ESR2: variants seen among roughly 807,000 people sequenced by gnomAD.
The protein encoded by ESR2 is estrogen receptor 2.
Under a neutral mutation model 49.6 loss-of-function variants are expected in ESR2, and 36 were observed. The ratio of observed to expected loss-of-function variants is 0.73; its 90% CI spans 0.56 to 0.96. The LOEUF (loss-of-function observed/expected upper bound fraction) is 0.96. Among genes scored for constraint, ESR2 ranks in the 40% least tolerant of loss-of-function variants. ESR2 has a pLI of 0.00. For synonymous variants in ESR2, 320 were observed against 266.1 expected (o/e 1.20, Z -1.97); for missense variants, 714 against 693.0 (o/e 1.03, Z -0.34).
At chr14:64,269,783 T>A (rs1421872414) in intron 3 of ESR2, among the ~76,000 whole-genome samples, 1 of 152,252 alleles carries the variant, frequency 6.6e-6, no homozygotes, top group African/African-American at 2.4e-5. Flanking sequence ...TTGTTAGTTA[T>A]ATAGCAATCT....
intron 1 of ESR2, among the ~76,000 whole-genome samples, chr14:64,305,498 A>G (rs141801687): frequency 0.014 from 2,122 of 148,206 alleles, 50 homozygotes; most frequent in African/African-American, 0.047. Flanking sequence ...GTGAAACCCC[A>G]TCTCTACTAA....
At chr14:64,276,077 G>A (rs550343079) in intron 3 of ESR2, among the ~76,000 whole-genome samples, 55 of 152,128 alleles carry the variant, frequency 3.6e-4, no homozygotes, top group African/African-American at 1.3e-3. Context: ...CAAAATATGC[G>A]CAAAAGTTTA....
At chr14:64,305,283 T>C (rs1596477273) in intron 1 of ESR2, among the ~76,000 whole-genome samples, 1 of 119,936 alleles carries the variant, frequency 8.3e-6, no homozygotes, top group African/African-American at 3.6e-5. Flanking sequence ...AGAGCGAGAC[T>C]CCGTCTCAAA....
chr14:64,299,324 G>T (rs1238800180), upstream of ESR2, among the ~76,000 whole-genome samples: 3 of 150,514 alleles, frequency 2.0e-5, no homozygotes, highest in African/African-American at 7.3e-5. Flanking sequence ...ATCATGGAAA[G>T]TTACTATAAC....
At chr14:64,244,740 C>T (rs896181078) in intron 7 of ESR2, among the ~76,000 whole-genome samples, 4 of 152,354 alleles carry the variant, frequency 2.6e-5, no homozygotes, top group African/African-American at 7.2e-5. Context: ...AGCATGCAGA[C>T]GCATATCATG....
At chr14:64,299,455 C>T (rs1352922451) in intron 1 of ESR2, among the ~76,000 whole-genome samples, 2 of 144,916 alleles carry the variant, frequency 1.4e-5, no homozygotes, top group Non-Finnish European at 1.5e-5. Flanking sequence ...GGCTAGAGTG[C>T]AGTGGCACAA....
Position 64,233,024 on chromosome 14 carries a change from C to T in ESR2, c.*113G>A. 1 of 1,483,620 alleles carries T rather than the reference C, an allele frequency of 6.7e-7. No individual in the cohort carries two copies. Among genetic ancestry groups the T allele is most frequent in the East Asian group, 2.4e-5 (1 of 42,154 alleles). The allele number at this position is 1,483,620 out of a possible 1,614,324, so 91.9% of individuals were successfully genotyped here. Reference sequence around the variant, plus strand: ...AAGGATGGTACATGACCAAGCCTGCCATCACCAAATGAGGGACCACACAGC... The same window carrying T: ...AAGGATGGTACATGACCAAGCCTGCTATCACCAAATGAGGGACCACACAGC... On this transcript the variant is annotated 3_prime_UTR_variant, in exon 9 of 9. Coordinates refer to ENST00000341099, the MANE Select transcript of ESR2 (RefSeq NM_001437.3).
chr14:64,252,006 T>C (rs143484682), intron 6 of ESR2, among the ~76,000 whole-genome samples: 7 of 152,158 alleles, frequency 4.6e-5, no homozygotes, highest in African/African-American at 1.7e-4. Flanking sequence ...TAGGACAGGG[T>C]TAAAAGAGTT....
chr14:64,327,189 A>G (rs1394732769), intron 1 of ESR2, among the ~76,000 whole-genome samples: 1 of 152,216 alleles, frequency 6.6e-6, no homozygotes, highest in Non-Finnish European at 1.5e-5. Context: ...AGACTGAAAG[A>G]TATGAGTAGA....
intron 3 of ESR2, among the ~76,000 whole-genome samples, chr14:64,272,991 A>C (rs1596437054): frequency 8.3e-6 from 1 of 120,284 alleles, no homozygotes; most frequent in African/African-American, 4.0e-5. Flanking sequence ...TTCCATGAAC[A>C]TGGAATATCT....
At chr14:64,299,617 C>T (rs1471577379) in intron 1 of ESR2, among the ~76,000 whole-genome samples, 1 of 152,180 alleles carries the variant, frequency 6.6e-6, no homozygotes, top group Admixed American at 6.5e-5. Flanking sequence ...CCGCCTCCGC[C>T]TCCCAAAGTG....
intron 7 of ESR2, among the ~76,000 whole-genome samples, chr14:64,249,023 A>G (rs1255720718): frequency 6.6e-6 from 1 of 152,214 alleles, no homozygotes; most frequent in African/African-American, 2.4e-5. Context: ...TCCCTTCTGC[A>G]ACAACTCCAG....
At chr14:64,272,119 T>C (rs2076460321) in intron 3 of ESR2, among the ~76,000 whole-genome samples, 1 of 152,232 alleles carries the variant, frequency 6.6e-6, no homozygotes, top group Non-Finnish European at 1.5e-5. Flanking sequence ...GGTATCTCAT[T>C]GTAGTTTTGA....
chr14:64,303,230 C>G (rs1460962571), intron 1 of ESR2, among the ~76,000 whole-genome samples: 1 of 152,192 alleles, frequency 6.6e-6, no homozygotes, highest in Non-Finnish European at 1.5e-5. Flanking sequence ...CACAGGTGCT[C>G]AGGTCGGCTT....
At chr14:64,289,263 A>G (rs2076831311) in intron 1 of ESR2, among the ~76,000 whole-genome samples, 1 of 152,158 alleles carries the variant, frequency 6.6e-6, no homozygotes, top group Non-Finnish European at 1.5e-5. Flanking sequence ...CTGTAACCCC[A>G]GCACTTTGGG....
intron 6 of ESR2, among the ~76,000 whole-genome samples, chr14:64,252,948 T>C (rs939562030): frequency 6.6e-6 from 1 of 152,054 alleles, no homozygotes; most frequent in African/African-American, 2.4e-5. Context: ...CTCCTCCTCC[T>C]AGGTTCAAGT....
chr14:64,257,452 A>G, intron 5 of ESR2, 88 bp from the exon 6 acceptor site: 1 of 1,488,838 alleles, frequency 6.7e-7, no homozygotes, highest in Non-Finnish European at 9.1e-7. Flanking sequence ...GTGTTAAAAC[A>G]CTAAGAAAAC....
At chr14:64,245,138 C>T (rs955493260) in intron 7 of ESR2, among the ~76,000 whole-genome samples, 1 of 152,074 alleles carries the variant, frequency 6.6e-6, no homozygotes, top group Non-Finnish European at 1.5e-5. Context: ...CTCACTTAAC[C>T]TAGCAGTGAA....
intron 1 of ESR2, among the ~76,000 whole-genome samples, chr14:64,309,887 C>A (rs1361943416): frequency 6.6e-6 from 1 of 151,818 alleles, no homozygotes; most frequent in African/African-American, 2.4e-5. Context: ...GAGATCGAGA[C>A]CATCCTGGCT....
Sources: gnomAD v4.1 joint callset for allele counts (sites outside exome capture counted in the v4.1 genomes callset) on GRCh38, gnomAD v4.1.1 for gene constraint, MANE v1.5 for transcripts, NCBI Gene and HGNC (gene_info 2026-07-23, HGNC 2026-07-21) for gene names.